Variants in EMID1 observed in about 807,000 individuals in gnomAD.
EMID1 encodes the protein EMI domain-containing protein 1.
Under a neutral mutation model 60.6 loss-of-function variants are expected in EMID1, and 40 were observed. The observed-to-expected ratio is 0.66, with a 90% CI of 0.51 to 0.86. EMID1 has a LOEUF of 0.86. Among genes scored for constraint, EMID1 ranks in the 40% least tolerant of loss-of-function variants. EMID1 has a pLI of 0.00. For missense variants in EMID1, 585 were observed against 597.1 expected, an observed-to-expected ratio of 0.98 and a Z score of 0.21; for synonymous variants, 242 against 231.0, an observed-to-expected ratio of 1.05 and a Z score of -0.43.
intron 12 of EMID1, among the ~76,000 whole-genome samples, chr22:29,238,574 C>T (rs914686883): frequency 1.7e-4 from 25 of 143,310 alleles, no homozygotes; most frequent in Admixed American, 1.2e-3. Flanking sequence ...CCTGCCATCA[C>T]GCCCGGCTAA....
At chr22:29,224,503 G>A (rs539930935) in intron 3 of EMID1, among the ~76,000 whole-genome samples, 1 of 152,314 alleles carries the variant, frequency 6.6e-6, no homozygotes, top group East Asian at 1.9e-4. Flanking sequence ...GCAGGGGTTG[G>A]CCCTGGAACT....
At chr22:29,224,239 G>A (rs1458198567) in intron 3 of EMID1, among the ~76,000 whole-genome samples, 1 of 152,090 alleles carries the variant, frequency 6.6e-6, no homozygotes, top group Non-Finnish European at 1.5e-5. Flanking sequence ...CCACAGCCCC[G>A]CTCCGAGCTG....
chr22:29,217,382 G>T lies in EMID1; in HGVS notation c.319+1752G>T, dbSNP rs566259385. 2.6e-5 allele frequency among the ~76,000 whole-genome samples: 4 copies of T among 152,382 alleles called. No homozygotes were observed. In the South Asian group the frequency reaches 6.2e-4, roughly 24 times the overall value. On this transcript the variant is annotated intron_variant, in intron 3 of 14. Transcript: ENST00000334018. ...TGTGGGGCCTTCAGGTCCCAGCGTG[G>T]GTATGGGATATCTGAGGCTTCCTAG... is the stretch of plus-strand genomic sequence containing the variant.
chr22:29,224,206 C>T (rs1010921058), intron 3 of EMID1, among the ~76,000 whole-genome samples: 8 of 152,222 alleles, frequency 5.3e-5, no homozygotes, highest in Admixed American at 2.6e-4. Context: ...GAGTTCCCGG[C>T]GCCTCTCGCT....
At chr22:29,227,075 T>C (rs553812523) in intron 5 of EMID1, among the ~76,000 whole-genome samples, 1 of 152,088 alleles carries the variant, frequency 6.6e-6, no homozygotes, top group South Asian at 2.1e-4. Flanking sequence ...TATTTCAAGA[T>C]AAAATGTTGT....
chr22:29,236,520 G>A (rs1054168829), intron 12 of EMID1, among the ~76,000 whole-genome samples: 4 of 151,834 alleles, frequency 2.6e-5, no homozygotes, highest in Admixed American at 6.6e-5. Context: ...GTGAAACCCC[G>A]TCTCTACTAA....
At chr22:29,226,994 T>TC (rs1161735334) in intron 5 of EMID1, among the ~76,000 whole-genome samples, 1 of 148,474 alleles carries the variant, frequency 6.7e-6, no homozygotes, top group Non-Finnish European at 1.5e-5. Flanking sequence ...CCTTTCTCTA[T>TC]CCCCCCAACC....
chr22:29,208,266 C>A (rs1459311357), intron 1 of EMID1, among the ~76,000 whole-genome samples: 1 of 152,184 alleles, frequency 6.6e-6, no homozygotes, highest in East Asian at 1.9e-4. Flanking sequence ...GGACCAGACG[C>A]AGAAAAGAGG....
chr22:29,212,134 C>T (rs561928919), intron 1 of EMID1, among the ~76,000 whole-genome samples: 10 of 152,078 alleles, frequency 6.6e-5, no homozygotes, highest in Non-Finnish European at 1.5e-4. Context: ...TACAGGCGCA[C>T]ACCACCACGC....
intron 1 of EMID1, among the ~76,000 whole-genome samples, chr22:29,211,886 A>T (rs2039899596): frequency 6.6e-6 from 1 of 152,198 alleles, no homozygotes; most frequent in South Asian, 2.1e-4. Context: ...ACCAAGTTTT[A>T]TGCGTATTTC....
Position 29,234,187 on chromosome 22 carries a change from G to T in EMID1, c.1017G>T (p.Glu339Asp). Residue 339 changes from glutamate (E) to aspartate (D), a missense_variant, in exon 11 of 15, where the codon GAG (glutamate) becomes GAT (aspartate). Coordinates refer to ENST00000334018, the MANE Select transcript of EMID1 (RefSeq NM_133455.4). Reference sequence around the variant, plus strand: ...AAGGAATCTCTGGCCACCCAGGAGAGAAGGGCGAGAGAGTGAGTACCCAGG... The same window carrying T: ...AAGGAATCTCTGGCCACCCAGGAGATAAGGGCGAGAGAGTGAGTACCCAGG... ...GPKGISGHPG[E>D]KGERGLRGEP... 6.2e-7 allele frequency: 1 copy of T among 1,604,880 alleles called. No homozygotes were observed. The highest frequency in any genetic ancestry group is 8.5e-7 in the Non-Finnish European group (1 of 1,175,500).
chr22:29,258,113 C>T (rs963388387), intron 14 of EMID1, among the ~76,000 whole-genome samples: 11 of 152,170 alleles, frequency 7.2e-5, no homozygotes, highest in African/African-American at 1.4e-4. Context: ...AGTCCTCCAC[C>T]GTGGCCCTCT....
chr22:29,257,274 T>A (rs1230259639), intron 14 of EMID1, among the ~76,000 whole-genome samples: 2 of 152,090 alleles, frequency 1.3e-5, no homozygotes, highest in Non-Finnish European at 2.9e-5. Context: ...ACACATCAGG[T>A]GCTACTGAAG....
intron 13 of EMID1, among the ~76,000 whole-genome samples, chr22:29,250,153 G>A (rs1295472256): frequency 6.6e-6 from 1 of 152,248 alleles, no homozygotes; most frequent in Non-Finnish European, 1.5e-5. Context: ...CTACTTGAGA[G>A]GCTGAGACGG....
chr22:29,206,163 A>C (rs1023428261), intron 1 of EMID1, 24 bp downstream of exon 1: 1 of 1,226,764 alleles, frequency 8.2e-7, no homozygotes, highest in Middle Eastern at 3.0e-4. Flanking sequence ...GCGCCTTTGC[A>C]CCCCGCTGGC....
intron 6 of EMID1, 23 bp downstream of exon 6, chr22:29,231,163 C>A: frequency 6.3e-7 from 1 of 1,575,382 alleles, no homozygotes; most frequent in South Asian, 1.2e-5. Context: ...CTCAGACTCC[C>A]CTGTGGGAAT....
chr22:29,215,263 T>C, intron 2 of EMID1: 1 of 985,442 alleles, frequency 1.0e-6, no homozygotes, highest in Non-Finnish European at 1.2e-6. Context: ...TGCATTCCTT[T>C]ACTCAGTGAG....
chr22:29,240,862 C>G (rs1038764444), intron 12 of EMID1, among the ~76,000 whole-genome samples: 3 of 152,228 alleles, frequency 2.0e-5, no homozygotes, highest in African/African-American at 7.2e-5. Context: ...ATTCCTTTGA[C>G]TCTGTCAGAC....
chr22:29,216,867 G>C lies in EMID1; in HGVS notation c.319+1237G>C, dbSNP rs558608092. On this transcript the variant is annotated intron_variant, in intron 3 of 14. Coordinates refer to ENST00000334018, the MANE Select transcript of EMID1 (RefSeq NM_133455.4). ...AAACCGGGTGGCTAGAGGGAGAGCT[G>C]AGACGCCCCATGCCAAACACCCCTG... Among the ~76,000 whole-genome samples the C allele has an allele frequency of 2.6e-5, 4 of 152,362 alleles. No homozygotes were observed. The East Asian group carries it at 7.7e-4, about 29-fold the overall frequency.
Sources: allele counts gnomAD v4.1 joint callset (sites outside exome capture counted in the v4.1 genomes callset), GRCh38; gene constraint gnomAD v4.1.1; transcripts MANE v1.5; gene names NCBI Gene and HGNC (gene_info 2026-07-23, HGNC 2026-07-21).